Variants in CREB5 observed in about 807,000 individuals in gnomAD.
The protein encoded by CREB5 is cAMP responsive element binding protein 5, also known as cyclic AMP-responsive element-binding protein 5.
A neutral mutation model predicts 57.1 loss-of-function variants in CREB5; 19 were observed. That is an observed-to-expected ratio of 0.33 (90% CI 0.23 to 0.49). The LOEUF is 0.49. Among genes scored for constraint, CREB5 ranks in the 20% least tolerant of loss-of-function variants. CREB5 has a pLI of 0.99. For missense variants in CREB5, 579 were observed against 671.6 expected, an observed-to-expected ratio of 0.86 and a Z score of 1.52; for synonymous variants, 238 against 238.3, an observed-to-expected ratio of 1.00 and a Z score of 0.01.
intron 4 of CREB5, among the ~76,000 whole-genome samples, chr7:28,535,645 G>GGGAA (rs1395682087): frequency 6.6e-6 from 1 of 151,268 alleles, no homozygotes; most frequent in African/African-American, 2.4e-5. Context: ...AAAAAGAGAA[G>GGGAA]GGAAGGAAGG....
rs1485881554 is a variant in CREB5 at position 28,701,598 on chromosome 7, T to C, written c.465-17155T>C. On this transcript the variant is annotated intron_variant, in intron 5 of 10. Transcript: ENST00000357727. ...TCTACAAATCAACTCAAACTAGGGG[T>C]ATATATTTCTATCTAATAGTCACTT... 1.3e-5 allele frequency among the ~76,000 whole-genome samples: 2 copies of C among 152,112 alleles called. 1 individual carries two copies. The highest frequency in any genetic ancestry group is 4.8e-5 in the African/African-American group (2 of 41,428).
chr7:28,667,387 T>A (rs954585394), intron 5 of CREB5, among the ~76,000 whole-genome samples: 4 of 151,722 alleles, frequency 2.6e-5, no homozygotes, highest in African/African-American at 9.7e-5. Flanking sequence ...TGTTCAAATT[T>A]TTAAAGATAC....
intron 9 of CREB5, among the ~76,000 whole-genome samples, chr7:28,813,241 G>A (rs542917968): frequency 5.9e-5 from 9 of 152,258 alleles, no homozygotes; most frequent in East Asian, 5.8e-4. Flanking sequence ...TAGAAACTCC[G>A]TAAGCCAAAG....
intron 3 of CREB5, among the ~76,000 whole-genome samples, chr7:28,506,854 ATATATAT>A (rs1320761973): frequency 6.6e-6 from 1 of 152,250 alleles, no homozygotes; most frequent in Non-Finnish European, 1.5e-5. Context: ...CAAATGCTGC[ATATATAT>A]TAAGCTACAA....
intron 1 of CREB5, among the ~76,000 whole-genome samples, chr7:28,473,188 G>T (rs1790900886): frequency 6.6e-6 from 1 of 152,098 alleles, no homozygotes; most frequent in Admixed American, 6.5e-5. Context: ...CAGGTGCAGT[G>T]GTGCATACCT....
Position 28,442,484 on chromosome 7 carries a change from G to A in CREB5, c.3+29567G>A, listed in dbSNP as rs143923713. Among the ~76,000 whole-genome samples the A allele has an allele frequency of 3.2e-3, 459 of 143,572 alleles. 2 individuals carry two copies. The highest frequency in any genetic ancestry group is 0.011 in the African/African-American group (430 of 39,104). 94.2% of individuals were successfully genotyped at this position (143,572 alleles called of 152,430 possible). A position where few individuals can be genotyped will look rare whatever the true frequency, so the allele number is the denominator to read the frequency against. On this transcript the variant is annotated intron_variant, in intron 1 of 10. Transcript: ENST00000357727. ...AAAATCCTCCAGCAGTGGAATTGAT[G>A]GATTATATGGTAGTTTTTTTTGTTT...
chr7:28,385,234 C>A (rs1787063602), intron 1 of CREB5, among the ~76,000 whole-genome samples: 1 of 152,098 alleles, frequency 6.6e-6, no homozygotes, highest in African/African-American at 2.4e-5. Context: ...TCTTACCTGG[C>A]AGCAGAATTG....
At chr7:28,349,414 T>C (rs988572168) in intron 1 of CREB5, among the ~76,000 whole-genome samples, 1 of 151,956 alleles carries the variant, frequency 6.6e-6, no homozygotes, top group Non-Finnish European at 1.5e-5. Flanking sequence ...AATTCAATTT[T>C]TGATACAAAT....
At chr7:28,660,838 C>A (rs1799583106) in intron 5 of CREB5, among the ~76,000 whole-genome samples, 1 of 152,128 alleles carries the variant, frequency 6.6e-6, no homozygotes, top group South Asian at 2.1e-4. Context: ...CTCCTTGGCA[C>A]TGCCTGCAGG....
At chr7:28,422,440 A>G (rs1001329134) in intron 1 of CREB5, among the ~76,000 whole-genome samples, 1 of 152,208 alleles carries the variant, frequency 6.6e-6, no homozygotes, top group East Asian at 1.9e-4. Flanking sequence ...GGGCTGGACC[A>G]GTTGCTCCTG....
At chr7:28,447,092 C>A (rs1789519243) in intron 1 of CREB5, among the ~76,000 whole-genome samples, 1 of 152,164 alleles carries the variant, frequency 6.6e-6, no homozygotes, top group Admixed American at 6.5e-5. Flanking sequence ...ACACCACCTC[C>A]CCTCTAGAAT....
At chr7:28,719,303 A>G (rs1360063674) in intron 6 of CREB5, among the ~76,000 whole-genome samples, 1 of 152,242 alleles carries the variant, frequency 6.6e-6, no homozygotes, top group Non-Finnish European at 1.5e-5. Flanking sequence ...GCTAACATGC[A>G]TTTATGCATA....
At chr7:28,556,871 G>A (rs1020991366) in intron 4 of CREB5, among the ~76,000 whole-genome samples, 7 of 152,220 alleles carry the variant, frequency 4.6e-5, no homozygotes, top group African/African-American at 1.7e-4. Flanking sequence ...AGCTCCTTCA[G>A]TTGGCTGCTT....
At chr7:28,513,831 G>A (rs763532868) in intron 4 of CREB5, 3 of 152,226 alleles carry the variant, frequency 2.0e-5, no homozygotes, top group Non-Finnish European at 2.9e-5. Context: ...CCACATATGT[G>A]AATGAATGTG....
intron 7 of CREB5, among the ~76,000 whole-genome samples, chr7:28,795,025 G>A (rs945284073): frequency 2.6e-5 from 4 of 151,982 alleles, no homozygotes; most frequent in African/African-American, 9.7e-5. Flanking sequence ...AGGCAGGTGA[G>A]GGACCTGGAC....
intron 8 of CREB5, among the ~76,000 whole-genome samples, chr7:28,808,807 C>T (rs1477346863): frequency 3.3e-5 from 5 of 150,602 alleles, no homozygotes; most frequent in East Asian, 1.9e-4. Context: ...GTGATCCTCC[C>T]GCCACACCTG....
chr7:28,710,709 A>T (rs533102024), intron 5 of CREB5, among the ~76,000 whole-genome samples: 20 of 152,344 alleles, frequency 1.3e-4, no homozygotes, highest in South Asian at 2.1e-4. Flanking sequence ...TTAATTTATC[A>T]TTATATATAC....
intron 1 of CREB5, among the ~76,000 whole-genome samples, chr7:28,419,684 AT>A (rs918791880): frequency 8.5e-5 from 13 of 152,152 alleles, no homozygotes; most frequent in African/African-American, 2.6e-4. Context: ...TGTGCTTATC[AT>A]TTTTTTTAGG....
intron 1 of CREB5, among the ~76,000 whole-genome samples, chr7:28,336,021 C>T (rs1023685082): frequency 2.0e-5 from 3 of 152,048 alleles, no homozygotes; most frequent in Non-Finnish European, 1.5e-5. Context: ...ATATGTTGAA[C>T]CATCCTTGTA....
Sources: allele counts gnomAD v4.1 joint callset (sites outside exome capture counted in the v4.1 genomes callset), GRCh38; gene constraint gnomAD v4.1.1; transcripts MANE v1.5; gene names NCBI Gene and HGNC (gene_info 2026-07-23, HGNC 2026-07-21).